The following RUNDC1 variants were observed in gnomAD, a reference collection of about 807,000 sequenced individuals.
The protein encoded by RUNDC1 is RUN domain containing 1.
In RUNDC1, 31 loss-of-function variants were observed where a neutral mutation model predicts 49.3. The ratio of observed to expected loss-of-function variants is 0.63; its 90% CI spans 0.47 to 0.85. The LOEUF is 0.85. RUNDC1 is among the 40% of genes least tolerant of loss of function. RUNDC1 has a pLI of 0.00. For missense variants in RUNDC1, 715 were observed against 806.7 expected (o/e 0.89, Z 1.38); for synonymous variants, 347 against 348.6 (o/e 1.00, Z 0.05).
rs2050276015 is a variant in RUNDC1 at position 42,993,818 on chromosome 17, C to T, written c.*2102C>T. ...ATCTCCTCCTGCCCACGCCTGTAGT[C>T]CCTCCCCACAACAGATGTCATCACA... On this transcript the variant is annotated 3_prime_UTR_variant, in exon 5 of 5. Coordinates refer to ENST00000361677, the MANE Select transcript of RUNDC1 (RefSeq NM_173079.5). The T allele has an allele frequency of 6.6e-6, 1 of 152,092 alleles. No homozygotes were observed. Among genetic ancestry groups the T allele is most frequent in the Non-Finnish European group, 1.5e-5 (1 of 68,022 alleles). The allele number at this position is 152,092 out of a possible 1,614,324, so 9.4% of individuals were successfully genotyped here.
At position 42,983,275 on chromosome 17, in the gene RUNDC1, A is replaced by G. The variant is rs112375758; in HGVS notation, c.498+2201A>G. Among the ~76,000 whole-genome samples, 102 of 150,868 alleles carry G rather than the reference A, an allele frequency of 6.8e-4. 3 individuals carry two copies. Among genetic ancestry groups the G allele is most frequent in the African/African-American group, 2.4e-3 (97 of 41,222 alleles). On this transcript the variant is annotated intron_variant, in intron 1 of 4. Coordinates refer to ENST00000361677, the MANE Select transcript of RUNDC1 (RefSeq NM_173079.5). ...CTACAAGTTGTAATCTTGTATTTAT[A>G]CATTGAATACATTGACAGGTGAACA...
chr17:42,986,828 C>CG (rs1377793443), intron 1 of RUNDC1, among the ~76,000 whole-genome samples: 1 of 152,128 alleles, frequency 6.6e-6, no homozygotes, highest in Non-Finnish European at 1.5e-5. Flanking sequence ...AGCCTCTCTC[C>CG]ACACCCTTAC....
At position 42,991,970 on chromosome 17, in the gene RUNDC1, T is replaced by C. The variant is rs1330878113; in HGVS notation, c.*254T>C. On this transcript the variant is annotated 3_prime_UTR_variant, in exon 5 of 5. Transcript: ENST00000361677. ...TGGCTCACACCTGTAATCCCAGCAC[T>C]TTGGGAGGCCGAGGCGGGCGGATCA... 12 of 441,244 alleles carry C rather than the reference T, an allele frequency of 2.7e-5. No individual in the cohort carries two copies. The highest frequency in any genetic ancestry group is 4.6e-5 in the Non-Finnish European group (11 of 241,264). 27.3% of individuals were successfully genotyped at this position (441,244 alleles called of 1,614,324 possible).
In RUNDC1 at chr17:42,981,054, T is replaced by C. The variant is rs1708875; in HGVS notation, c.478T>C (p.Trp160Arg). Residue 160 changes from tryptophan to arginine, a missense_variant, in exon 1 of 5, where the codon TGG becomes CGG. Around this residue, in one of 5 missense-constraint regions of RUNDC1, gnomAD observed 113 missense variants for 93.4 expected, o/e 1.21. Transcript: ENST00000361677. ...CGATGGGCTGCCAGGGGACCGGCCA[T>C]GGTTGCGGGGCGAGGACCAGGTGAG... ...EGDGLPGDRPWLRGEDQSEQE... is the reference protein window; with the variant it reads ...EGDGLPGDRPRLRGEDQSEQE... The C allele has an allele frequency of 0.99, 1,541,133 of 1,560,234 alleles. 762,974 individuals are homozygous for C. Among genetic ancestry groups the C allele is most frequent in the East Asian group, 1 (41,168 of 41,168 alleles).
chr17:42,980,586 G>C lies in RUNDC1; in HGVS notation c.10G>C (p.Val4Leu). The part of the protein sequence containing the change: MAA[V>L]EAAAEPVTVV... ...TGGTGTTTCCGGGAAGATGGCGGCT[G>C]TCGAAGCGGCTGCAGAGCCGGTAAC... Residue 4 changes from valine (V) to leucine (L), a missense_variant, in exon 1 of 5, where the codon GTC becomes CTC. By Grantham distance (32) the Val-to-Leu change is conservative (BLOSUM62 1). Around this residue, in one of 5 missense-constraint regions of RUNDC1, gnomAD observed 153 missense variants for 139.4 expected, o/e 1.10. Transcript: ENST00000361677. 1 of 1,609,558 alleles carries C rather than the reference G, an allele frequency of 6.2e-7. No homozygotes were observed. The highest frequency in any genetic ancestry group is 8.5e-7 in the Non-Finnish European group (1 of 1,179,116).
At chr17:42,981,363 C>T (rs1351245224) in intron 1 of RUNDC1, 6 of 452,124 alleles carry the variant, frequency 1.3e-5, no homozygotes, top group Admixed American at 1.3e-4. Flanking sequence ...GAGAGGGCAG[C>T]AGAGCAGCCA....
chr17:42,989,679 G>A (rs1232902540), intron 3 of RUNDC1, 140 bp downstream of exon 3: 2 of 779,866 alleles, frequency 2.6e-6, no homozygotes, highest in Non-Finnish European at 2.1e-6. Context: ...CTGTTCCCCT[G>A]GCTGGAGTGC....
chr17:42,980,916 G>C lies in RUNDC1; in HGVS notation c.340G>C (p.Gly114Arg), dbSNP rs1486300295. The change falls in exon 1 of 5, where the codon GGG becomes CGG. Residue 114 changes from glycine to arginine, a missense_variant. Gly to Arg is a moderately radical substitution (Grantham distance 125). Transcript: ENST00000361677. The part of the protein sequence containing the change: ...VQFRLRQVVR[G>R]APAEQQRLLR... ...GTTCCGCCTGCGCCAGGTGGTGCGC[G>C]GGGCGCCGGCGGAGCAGCAGCGCCT... 2.6e-6 allele frequency: 4 copies of C among 1,530,516 alleles called. No homozygotes were observed. The South Asian group carries it at 3.6e-5, about 14-fold the overall frequency. 94.8% of individuals were successfully genotyped at this position (1,530,516 alleles called of 1,614,324 possible). A position where few individuals can be genotyped will look rare whatever the true frequency, so the allele number is the denominator to read the frequency against.
chr17:42,984,889 CTTTTTT>C lies in RUNDC1; in HGVS notation c.499-2349_499-2344del, dbSNP rs56228523. Among the ~76,000 whole-genome samples the C allele has an allele frequency of 1.4e-4, 9 of 65,332 alleles. No homozygotes were observed. The East Asian group carries it at 2.4e-3, about 17-fold the overall frequency. 42.9% of individuals were successfully genotyped at this position (65,332 alleles called of 152,430 possible). On this transcript the variant is annotated intron_variant, in intron 1 of 4. Transcript: ENST00000361677. Reference sequence around the variant, plus strand: ...CTTTTCTTTTTCTTTTTCTTTCTTTCTTTTTTTTTTTTTTTTTTTTTTTGGACACAG... The same window carrying C: ...CTTTTCTTTTTCTTTTTCTTTCTTTCTTTTTTTTTTTTTTTTTGGACACAG...
intron 1 of RUNDC1, chr17:42,981,619 C>T (rs893057334): frequency 6.6e-6 from 1 of 152,444 alleles, no homozygotes; most frequent in African/African-American, 2.4e-5. Context: ...AAACACAACT[C>T]TTGATTAGAT....
chr17:42,990,738 C>A, intron 4 of RUNDC1, 113 bp from the exon 5 acceptor site: 1 of 1,322,938 alleles, frequency 7.6e-7, no homozygotes, highest in Middle Eastern at 2.2e-4. Context: ...GTGGCTCTTG[C>A]CTTCATGTGA....
rs750072998 is a variant in RUNDC1, at chr17:42,991,066, A to AGGC, written c.1193_1195dup (p.Arg398dup). The AGGC allele has an allele frequency of 6.2e-7, 1 of 1,614,120 alleles. No individual in the cohort carries two copies. The highest frequency in any genetic ancestry group is 2.2e-5 in the East Asian group (1 of 44,886). ...GGACAGAGTGAAGCAGCTAGCCTTG[A>AGGC]GGCAGCAGCCACATGACCATGTCAT... is the stretch of plus-strand genomic sequence containing the variant. On this transcript the variant is annotated inframe_insertion, in exon 5 of 5. Transcript: ENST00000361677.
chr17:42,991,532 C>G lies in RUNDC1; in HGVS notation c.1658C>G (p.Ser553Cys), dbSNP rs141180839. Residue 553 changes from serine (S) to cysteine (C), a missense_variant, in exon 5 of 5, where the codon TCC becomes TGC. Physicochemically the swap from Ser to Cys is moderately radical, Grantham distance 112. This residue lies in a region of RUNDC1 where 425 missense variants were observed against 499.7 expected (regional missense o/e 0.85). Transcript: ENST00000361677. ...GCACTGAATGAGCAGCGTCTGGTGT[C>G]CTGGGTGAACCTCATCTGCAAGTCC... ...CMALNEQRLV[S>C]WVNLICKSGS... 4.2e-4 allele frequency: 677 copies of G among 1,614,142 alleles called. 2 individuals carry two copies. The highest frequency in any genetic ancestry group is 1.6e-3 in the Middle Eastern group (10 of 6,062).
In RUNDC1 at chr17:42,989,426, G is replaced by T. The variant is rs371936857; in HGVS notation, c.743G>T (p.Arg248Leu). 8.1e-6 allele frequency: 13 copies of T among 1,613,938 alleles called. No homozygotes were observed. The highest frequency in any genetic ancestry group is 1.6e-4 in the Middle Eastern group (1 of 6,084). ...SSLSTEELRQ[R>L]VDAAVAQIVN... ...CTGTCCACTGAAGAGCTTCGTCAGCGTGTAGATGCAGCAGTGGCTCAGATC... is the reference window on the plus strand; with the variant it reads ...CTGTCCACTGAAGAGCTTCGTCAGCTTGTAGATGCAGCAGTGGCTCAGATC... Residue 248 changes from arginine to leucine, a missense_variant, in exon 3 of 5, where the codon CGT becomes CTT. Arg to Leu is a moderately radical substitution (Grantham distance 102, BLOSUM62 -2). This residue lies in a region of RUNDC1 where 425 missense variants were observed against 499.7 expected (regional missense o/e 0.85). Transcript: ENST00000361677.
Position 42,991,665 on chromosome 17 carries a change from C to G in RUNDC1, c.1791C>G (p.Leu597=), listed in dbSNP as rs756924818. 5 of 1,613,832 alleles carry G rather than the reference C, an allele frequency of 3.1e-6. No homozygotes were observed. Among genetic ancestry groups the G allele is most frequent in the Non-Finnish European group, 4.2e-6 (5 of 1,179,984 alleles). Residue 597 remains leucine, a synonymous_variant, in exon 5 of 5, where the codon CTC becomes CTG. Transcript: ENST00000361677. The stretch of plus-strand genomic sequence containing the variant: ...GCCTCAGCAGCCTCAAGTTTAGCCT[C>G]CCTGTAGATCTGGCTGTGCGCCAGC... The part of the protein sequence containing the change: ...LSRLSSLKFS[L]PVDLAVRQLK...
rs1010539916 is a variant in RUNDC1, at chr17:42,994,652, G to A, written c.*2936G>A. 3.3e-5 allele frequency among the ~76,000 whole-genome samples: 5 copies of A among 152,180 alleles called. No homozygotes were observed. The highest frequency in any genetic ancestry group is 7.4e-5 in the Non-Finnish European group (5 of 68,026). On this transcript the variant is annotated 3_prime_UTR_variant, in exon 5 of 5. Transcript: ENST00000361677. ...AAAGGACAAGGCTGCAGGGAGACAG[G>A]CCGGCAGCCATGACTTTCATGTCTA...
chr17:42,991,013 C>G lies in RUNDC1; in HGVS notation c.1139C>G (p.Pro380Arg). 2.5e-6 allele frequency: 4 copies of G among 1,614,176 alleles called. No homozygotes were observed. The highest frequency in any genetic ancestry group is 2.5e-6 in the Non-Finnish European group (3 of 1,180,014). Residue 380 changes from proline (P) to arginine (R), a missense_variant, in exon 5 of 5, where the codon CCC becomes CGC. Physicochemically the swap from Pro to Arg is moderately radical, Grantham distance 103. This residue lies in a region of RUNDC1 where 425 missense variants were observed against 499.7 expected (regional missense o/e 0.85). Transcript: ENST00000361677. The stretch of plus-strand genomic sequence containing the variant: ...GTCCAGGCTGACAGAGACTACTCTC[C>G]CTTGCTGAAGAGGCTGGAGGTGTCA... ...QRVQADRDYSPLLKRLEVSVD... is the reference protein window; with the variant it reads ...QRVQADRDYSRLLKRLEVSVD...
At chr17:42,987,702 T>G (rs1327688433) in intron 2 of RUNDC1, among the ~76,000 whole-genome samples, 1 of 152,214 alleles carries the variant, frequency 6.6e-6, no homozygotes, top group Non-Finnish European at 1.5e-5. Flanking sequence ...TTTGATCACT[T>G]AAAAAATTCT....
At chr17:42,982,866 A>C (rs369856407) in intron 1 of RUNDC1, among the ~76,000 whole-genome samples, 1 of 151,846 alleles carries the variant, frequency 6.6e-6, no homozygotes, top group South Asian at 2.1e-4. Flanking sequence ...ACATTCCTGT[A>C]ATCCCAGCTA....
Sources: gnomAD v4.1 joint callset for allele counts (sites outside exome capture counted in the v4.1 genomes callset) on GRCh38, gnomAD v4.1.1 for gene constraint, gnomAD v4.1.1 regional missense constraint, MANE v1.5 for transcripts, NCBI Gene and HGNC (gene_info 2026-07-23, HGNC 2026-07-21) for gene names.